The following ADSS2 variants were observed in gnomAD, a reference collection of about 807,000 sequenced individuals.
ADSS2 encodes the protein adenylosuccinate synthase 2.
ADSS2 carries 30 observed loss-of-function variants against 60.0 expected under a neutral mutation model. The ratio of observed to expected loss-of-function variants is 0.50; its 90% confidence interval spans 0.37 to 0.68. The LOEUF (loss-of-function observed/expected upper bound fraction) is 0.68. Ranked by LOEUF, ADSS2 falls within the 30% of genes least tolerant of loss-of-function variation. The pLI is 0.00. For synonymous variants in ADSS2, 187 were observed against 193.1 expected, an observed-to-expected ratio of 0.97 and a Z score of 0.26; for missense variants, 373 against 554.8, an observed-to-expected ratio of 0.67 and a Z score of 3.29.
intron 2 of ADSS2, among the ~76,000 whole-genome samples, chr1:244,437,279 T>C (rs994275028): frequency 1.3e-5 from 2 of 152,100 alleles, no homozygotes; most frequent in Admixed American, 6.6e-5. Flanking sequence ...GTAGAAAAGA[T>C]CAGATTGCAT....
Position 244,415,958 on chromosome 1 carries a change from A to G in ADSS2, c.1168+23T>C, listed in dbSNP as rs756953317. The G allele has an allele frequency of 3.6e-5, 53 of 1,472,100 alleles. 1 individual carries two copies. The South Asian group carries it at 5.6e-4, about 16-fold the overall frequency. The allele number at this position is 1,472,100 out of a possible 1,614,324, so 91.2% of individuals were successfully genotyped here. A position where few individuals can be genotyped will look rare whatever the true frequency, so the allele number is the denominator to read the frequency against. On this transcript the variant is annotated intron_variant, in intron 11 of 12. Transcript: ENST00000366535. ...ATACATTCACCTTATAATATCCTTT[A>G]GATATTGCCTAAAAGAAAATACCTG... is the stretch of plus-strand genomic sequence containing the variant.
At chr1:244,436,368 T>G (rs548239532) in intron 3 of ADSS2, among the ~76,000 whole-genome samples, 2 of 152,320 alleles carry the variant, frequency 1.3e-5, no homozygotes, top group African/African-American at 4.8e-5. Context: ...ATGGATATAT[T>G]GTATAAAAGC....
At chr1:244,423,689 T>C (rs939546916) in intron 6 of ADSS2, among the ~76,000 whole-genome samples, 2 of 152,168 alleles carry the variant, frequency 1.3e-5, no homozygotes, top group African/African-American at 4.8e-5. Flanking sequence ...CAGGAAACCA[T>C]TCCATATTTC....
At chr1:244,429,419 A>C (rs1293293993) in intron 4 of ADSS2, among the ~76,000 whole-genome samples, 1 of 152,228 alleles carries the variant, frequency 6.6e-6, no homozygotes, top group Non-Finnish European at 1.5e-5. Flanking sequence ...CTAATGCCTT[A>C]AATTACAATG....
chr1:244,421,052 AGGGCCACGAGTTACAC>A, intron 7 of ADSS2, among the ~76,000 whole-genome samples: 1 of 5,958 alleles, frequency 1.7e-4, no homozygotes, highest in African/African-American at 1.0e-3. Flanking sequence ...TTACACTGCC[AGGGCCACGAGTTACAC>A]TGCCAAGTAT....
At chr1:244,424,184 T>C in intron 5 of ADSS2, 124 bp from the exon 6 acceptor site, 1 of 1,187,516 alleles carries the variant, frequency 8.4e-7, no homozygotes, top group African/African-American at 1.6e-5. Flanking sequence ...TTGCTAAGTA[T>C]ATGTTCATAA....
chr1:244,409,340 ACG>A lies in ADSS2; in HGVS notation c.*244_*245del. On this transcript the variant is annotated 3_prime_UTR_variant, in exon 13 of 13. Coordinates refer to ENST00000366535, the MANE Select transcript of ADSS2 (RefSeq NM_001126.5). ...CTATTACTAAACATTGAAAAAAAAAACGTGGCACCATGAGAGCAGCAGGAGCA... is the reference window on the plus strand; with the variant it reads ...CTATTACTAAACATTGAAAAAAAAAATGGCACCATGAGAGCAGCAGGAGCA... 2.5e-6 allele frequency: 1 copy of A among 399,864 alleles called. No individual in the cohort carries two copies. Among genetic ancestry groups the A allele is most frequent in the African/African-American group, 2.1e-5 (1 of 48,270 alleles). 24.8% of individuals were successfully genotyped at this position (399,864 alleles called of 1,614,324 possible).
chr1:244,444,566 C>A (rs1173143207), intron 1 of ADSS2, among the ~76,000 whole-genome samples: 1 of 140,752 alleles, frequency 7.1e-6, no homozygotes, highest in East Asian at 2.0e-4. Context: ...ATTAAATAAG[C>A]TTCTTAATTA....
chr1:244,435,820 T>A lies in ADSS2; in HGVS notation c.355+1005A>T, dbSNP rs558491500. 7.0e-4 allele frequency among the ~76,000 whole-genome samples: 106 copies of A among 152,304 alleles called. 1 individual carries two copies. Among genetic ancestry groups the A allele is most frequent in the South Asian group, 6.4e-3 (31 of 4,828 alleles). On this transcript the variant is annotated intron_variant, in intron 3 of 12. Transcript: ENST00000366535. The stretch of plus-strand genomic sequence containing the variant: ...CCACCAATACAGTGGGAAAAATGTG[T>A]TCAGGGTAAGTAAGCAGTACAGCAG...
rs566436336 is a variant in ADSS2 at position 244,441,302 on chromosome 1, C to T, written c.184-3534G>A. 6.6e-5 allele frequency among the ~76,000 whole-genome samples: 10 copies of T among 152,256 alleles called. No individual in the cohort carries two copies. The South Asian group carries it at 8.3e-4, about 13-fold the overall frequency. ...CTCGATCTCCTGACTTTGTGATCCG[C>T]CCGCCTCGGCCTTCCAAAGTGCTGG... On this transcript the variant is annotated intron_variant, in intron 1 of 12. Transcript: ENST00000366535.
intron 1 of ADSS2, among the ~76,000 whole-genome samples, chr1:244,442,901 A>G (rs1190361247): frequency 1.3e-5 from 2 of 152,214 alleles, no homozygotes; most frequent in South Asian, 2.1e-4. Context: ...GAGAGGTCAC[A>G]TATTAGCAGA....
chr1:244,412,144 G>T (rs779563186), intron 11 of ADSS2, among the ~76,000 whole-genome samples: 8 of 152,128 alleles, frequency 5.3e-5, no homozygotes, highest in Non-Finnish European at 1.2e-4. Context: ...AACAACCTGG[G>T]CACTTAACCT....
At chr1:244,444,535 A>AAAAAAAAAAAACAAAAAAAC (rs1665337572) in intron 1 of ADSS2, among the ~76,000 whole-genome samples, 1 of 144,754 alleles carries the variant, frequency 6.9e-6, no homozygotes, top group Non-Finnish European at 1.5e-5. Flanking sequence ...AAAAAAAAAA[A>AAAAAAAAAAAACAAAAAAAC]AGATGAAATA....
chr1:244,424,347 T>A lies in ADSS2; in HGVS notation c.447A>T (p.Gln149His). 6.2e-7 allele frequency: 1 copy of A among 1,613,454 alleles called. No individual in the cohort carries two copies. Among genetic ancestry groups the A allele is most frequent in the Non-Finnish European group, 8.5e-7 (1 of 1,179,614 alleles). ...TTTTTCCTGCTTGTTCTTGTCTCTG[T>A]TGTTCCTGGATACCATCAGCTGCTT... ...FHQAADGIQE[Q>H]QRQEQAGKNL... Residue 149 changes from glutamine (Q) to histidine (H), a missense_variant, in exon 5 of 13, where the codon CAA becomes CAT. By Grantham distance (24) the Gln-to-His change is conservative. This residue lies in a region of ADSS2 where 139 missense variants were observed against 189.4 expected (regional missense o/e 0.73). Coordinates refer to ENST00000366535, the MANE Select transcript of ADSS2 (RefSeq NM_001126.5).
At chr1:244,410,762 G>T (rs1664393459) in intron 12 of ADSS2, among the ~76,000 whole-genome samples, 1 of 152,070 alleles carries the variant, frequency 6.6e-6, no homozygotes, top group Non-Finnish European at 1.5e-5. Context: ...GGTCAGAAAG[G>T]GTGAGAAGTA....
intron 1 of ADSS2, among the ~76,000 whole-genome samples, chr1:244,447,558 A>G (rs1224146174): frequency 6.6e-6 from 1 of 152,208 alleles, no homozygotes; most frequent in Admixed American, 6.5e-5. Context: ...AGTTACTAGA[A>G]CCCCACATGG....
In ADSS2 at chr1:244,436,850, T is replaced by C; in HGVS notation, c.330A>G (p.Ala110=). ...CTTTTCCTTTTTGAACATTTTTCTC[T>C]GCTTCTTCAAACAATCCAGGTAGAT... ...VIHLPGLFEE[A]EKNVQKGKGL... is the part of the protein sequence containing the mutation. The change falls in exon 3 of 13, where the codon GCA becomes GCG. Residue 110 remains alanine (A), a synonymous_variant. Transcript: ENST00000366535. The C allele has an allele frequency of 6.2e-7, 1 of 1,612,430 alleles. No individual in the cohort carries two copies. Among genetic ancestry groups the C allele is most frequent in the Non-Finnish European group, 8.5e-7 (1 of 1,179,246 alleles).
chr1:244,437,681 C>A lies in ADSS2; in HGVS notation c.271G>T (p.Val91Phe). The stretch of plus-strand genomic sequence containing the variant: ...ATATACTTACCAATGAATGCAGTGA[C>A]ATTTGGATTAATTATTCCACTGGGT... Reference protein sequence around the residue: ...LLPSGIINPNVTAFIGNGVVI... With the variant: ...LLPSGIINPNFTAFIGNGVVI... The change falls in exon 2 of 13, where the codon GTC (valine) becomes TTC (phenylalanine). Residue 91 changes from valine to phenylalanine, a missense_variant. Physicochemically the swap from Val to Phe is conservative, Grantham distance 50 (BLOSUM62 -1). Transcript: ENST00000366535. The A allele has an allele frequency of 6.3e-7, 1 of 1,588,280 alleles. No individual in the cohort carries two copies. The highest frequency in any genetic ancestry group is 8.6e-7 in the Non-Finnish European group (1 of 1,157,418).
intron 1 of ADSS2, among the ~76,000 whole-genome samples, chr1:244,438,147 T>C (rs1665149126): frequency 6.6e-6 from 1 of 152,200 alleles, no homozygotes; most frequent in Non-Finnish European, 1.5e-5. Flanking sequence ...AAAAAATCTC[T>C]TAAGATAGAG....
Sources: gnomAD v4.1 joint callset for allele counts (sites outside exome capture counted in the v4.1 genomes callset) on GRCh38, gnomAD v4.1.1 for gene constraint, gnomAD v4.1.1 regional missense constraint, MANE v1.5 for transcripts, NCBI Gene and HGNC (gene_info 2026-07-23, HGNC 2026-07-21) for gene names.